SLC24A2: variants seen among roughly 807,000 people sequenced by gnomAD.
The protein encoded by SLC24A2 is solute carrier family 24 member 2.
In SLC24A2, 36 loss-of-function variants were observed where a neutral mutation model predicts 62.0. That is an observed-to-expected ratio of 0.58 (90% confidence interval 0.44 to 0.77). SLC24A2 has a LOEUF of 0.77. Ranked by LOEUF, SLC24A2 falls within the 30% of genes least tolerant of loss-of-function variation. The pLI is 0.00. For missense variants in SLC24A2, 846 were observed against 817.9 expected (o/e 1.03, Z -0.42); for synonymous variants, 358 against 294.0 (o/e 1.22, Z -2.23).
At position 19,590,703 on chromosome 9, in the gene SLC24A2, ACCTACTCACT is replaced by A. The variant is rs146771055; in HGVS notation, c.1129+6516_1129+6525del. On this transcript the variant is annotated intron_variant, in intron 5 of 10. Transcript: ENST00000341998. Reference sequence around the variant, plus strand: ...CCTGGCTCCTTACCTTAGTGCCTTCACCTACTCACTCCCAGCTCGTTTTGTCCTCATTCAC... The same window carrying A: ...CCTGGCTCCTTACCTTAGTGCCTTCACCCAGCTCGTTTTGTCCTCATTCAC... Among the ~76,000 whole-genome samples, 1,221 of 152,124 alleles carry A rather than the reference ACCTACTCACT, an allele frequency of 8.0e-3. 13 individuals carry two copies. The highest frequency in any genetic ancestry group is 0.027 in the African/African-American group (1,115 of 41,490).
chr9:20,105,892 A>C, the SLC24A2 span, among the ~76,000 whole-genome samples: 1 of 152,208 alleles, frequency 6.6e-6, no homozygotes, highest in South Asian at 2.1e-4. Flanking sequence ...TCCTTCAAAA[A>C]ATTAATGAAT....
chr9:19,909,350 G>A, the SLC24A2 span, among the ~76,000 whole-genome samples: 2 of 151,956 alleles, frequency 1.3e-5, no homozygotes, highest in East Asian at 1.9e-4. Context: ...GGGGAGGGCG[G>A]AGGGATAGCA....
chr9:19,578,358 CAAAAAAAA>C (rs3085616), intron 5 of SLC24A2, among the ~76,000 whole-genome samples: 1 of 135,644 alleles, frequency 7.4e-6, no homozygotes, highest in Non-Finnish European at 1.6e-5. Context: ...TGCAATAAGC[CAAAAAAAA>C]AAAAAAAAAA....
chr9:19,741,652 G>T (rs886994739), intron 2 of SLC24A2, among the ~76,000 whole-genome samples: 1 of 152,126 alleles, frequency 6.6e-6, no homozygotes, highest in Non-Finnish European at 1.5e-5. Flanking sequence ...TTTCTACCTA[G>T]TTAACAATTC....
At chr9:19,891,803 G>C in the SLC24A2 span, among the ~76,000 whole-genome samples, 2 of 152,088 alleles carry the variant, frequency 1.3e-5, no homozygotes, top group Non-Finnish European at 2.9e-5. Context: ...GCTGAACTAA[G>C]AGAGCAAGAA....
At chr9:19,861,085 A>G in the SLC24A2 span, among the ~76,000 whole-genome samples, 2 of 152,128 alleles carry the variant, frequency 1.3e-5, no homozygotes, top group Non-Finnish European at 2.9e-5. Flanking sequence ...GGCTTTTAGC[A>G]TACATAACTG....
At chr9:20,028,947 C>T in the SLC24A2 span, among the ~76,000 whole-genome samples, 615 of 152,272 alleles carry the variant, frequency 4.0e-3, 10 homozygotes, top group African/African-American at 0.014. Context: ...TTTGTCCAGC[C>T]GTTTCTGTTT....
chr9:20,095,631 C>A, the SLC24A2 span, among the ~76,000 whole-genome samples: 1 of 152,084 alleles, frequency 6.6e-6, no homozygotes, highest in East Asian at 1.9e-4. Flanking sequence ...ACTCACTCTG[C>A]AGACCTTAGG....
At chr9:20,277,120 T>C in the SLC24A2 span, among the ~76,000 whole-genome samples, 1 of 152,074 alleles carries the variant, frequency 6.6e-6, no homozygotes, top group Non-Finnish European at 1.5e-5. Flanking sequence ...AATGGGGTTT[T>C]CCCATAAAAG....
chr9:20,272,789 A>G, the SLC24A2 span, among the ~76,000 whole-genome samples: 1 of 152,150 alleles, frequency 6.6e-6, no homozygotes, highest in African/African-American at 2.4e-5. Context: ...CCTACAGCAA[A>G]AAAGAGGTTT....
At chr9:20,274,990 C>G in the SLC24A2 span, among the ~76,000 whole-genome samples, 1 of 152,070 alleles carries the variant, frequency 6.6e-6, no homozygotes. Context: ...CAGTCAGACC[C>G]TAGATGACAG....
At chr9:19,926,594 CAAAA>C in the SLC24A2 span, 7 of 150,744 alleles carry the variant, frequency 4.6e-5, no homozygotes, top group Non-Finnish European at 7.4e-5. Context: ...AAAAGAAAAA[CAAAA>C]GAAAGAAGGA....
rs1275822952 is a variant in SLC24A2, at chr9:19,513,626, G to A, written c.*2527C>T. 1 of 152,156 alleles carries A rather than the reference G, an allele frequency of 6.6e-6. No individual in the cohort carries two copies. Among genetic ancestry groups the A allele is most frequent in the Admixed American group, 6.5e-5 (1 of 15,270 alleles). The allele number at this position is 152,156 out of a possible 1,614,324, so 9.4% of individuals were successfully genotyped here. A position where few individuals can be genotyped will look rare whatever the true frequency, so the allele number is the denominator to read the frequency against. On this transcript the variant is annotated 3_prime_UTR_variant, in exon 11 of 11. Coordinates refer to ENST00000341998, the MANE Select transcript of SLC24A2 (RefSeq NM_020344.4). ...CTTCACTGTAAGCTGGGAATAAATG[G>A]GAGGGAGTGAGGAGGCAGAGGGAGG... is the stretch of plus-strand genomic sequence containing the variant.
the SLC24A2 span, among the ~76,000 whole-genome samples, chr9:20,034,874 G>T: frequency 6.6e-6 from 1 of 152,140 alleles, no homozygotes; most frequent in Non-Finnish European, 1.5e-5. Flanking sequence ...CCATTTTAAG[G>T]GAGCTTATAT....
At chr9:19,613,151 A>G (rs774581241) in intron 4 of SLC24A2, among the ~76,000 whole-genome samples, 12 of 152,134 alleles carry the variant, frequency 7.9e-5, no homozygotes, top group Non-Finnish European at 1.8e-4. Flanking sequence ...GTAGACCCTC[A>G]CTTTTTAACA....
At chr9:19,810,560 A>G in the SLC24A2 span, among the ~76,000 whole-genome samples, 6 of 152,192 alleles carry the variant, frequency 3.9e-5, no homozygotes, top group Non-Finnish European at 8.8e-5. Context: ...CATTTCCATA[A>G]CTATGTAAAA....
chr9:19,915,152 T>C, the SLC24A2 span, among the ~76,000 whole-genome samples: 1 of 152,146 alleles, frequency 6.6e-6, no homozygotes, highest in Admixed American at 6.6e-5. Flanking sequence ...TTTACCTATT[T>C]TGGATATTTC....
At chr9:19,548,434 A>G (rs1160722391) in intron 8 of SLC24A2, among the ~76,000 whole-genome samples, 1 of 152,206 alleles carries the variant, frequency 6.6e-6, no homozygotes, top group East Asian at 1.9e-4. Flanking sequence ...TATGCCAACA[A>G]TATACATATT....
chr9:19,706,316 C>A (rs1760280693), intron 2 of SLC24A2, among the ~76,000 whole-genome samples: 1 of 151,604 alleles, frequency 6.6e-6, no homozygotes, highest in Non-Finnish European at 1.5e-5. Flanking sequence ...TTATATTGAG[C>A]CTATGTGTGT....
Sources: gnomAD v4.1 joint callset for allele counts (sites outside exome capture counted in the v4.1 genomes callset) on GRCh38, gnomAD v4.1.1 for gene constraint, MANE v1.5 for transcripts, NCBI Gene and HGNC (gene_info 2026-07-23, HGNC 2026-07-21) for gene names.